EYS: variants seen among roughly 807,000 people sequenced by gnomAD.
EYS encodes the protein EGF-like photoreceptor maintenance factor.
EYS carries 250 observed loss-of-function variants against 282.1 expected under a neutral mutation model. The ratio of observed to expected loss-of-function variants is 0.89; its 90% CI spans 0.80 to 0.98. EYS has a LOEUF of 0.98. EYS is among the 50% of genes least tolerant of loss of function. The pLI, the probability that EYS is intolerant of heterozygous loss-of-function variation, is 0.00. For missense variants in EYS, 4,016 were observed against 3,709.0 expected, an observed-to-expected ratio of 1.08 and a Z score of -2.15; for synonymous variants, 1,355 against 1,282.9, an observed-to-expected ratio of 1.06 and a Z score of -1.20.
intron 8 of EYS, among the ~76,000 whole-genome samples, chr6:65,357,597 G>C (rs551005419): frequency 1.3e-5 from 2 of 151,846 alleles, no homozygotes; most frequent in Non-Finnish European, 2.9e-5. Context: ...ATATTCCTAA[G>C]GAACAATTGT....
intron 29 of EYS, among the ~76,000 whole-genome samples, chr6:64,340,150 C>T (rs990400645): frequency 2.0e-5 from 3 of 150,900 alleles, no homozygotes; most frequent in African/African-American, 4.9e-5. Flanking sequence ...TGAAAGAGCC[C>T]TATCCTCTGA....
chr6:63,984,374 A>C lies in EYS; in HGVS notation c.7055+9T>G, dbSNP rs1355303331. The C allele has an allele frequency of 6.5e-7, 1 of 1,536,150 alleles. No homozygotes were observed. Among genetic ancestry groups the C allele is most frequent in the South Asian group, 1.2e-5 (1 of 83,710 alleles). On this transcript the variant is annotated intron_variant, in intron 35 of 42. Transcript: ENST00000503581. ...AACGTAGGTTGGGAATCAGGAGACT[A>C]ATACTGACCTGATGCAGGTGCCATT... is the stretch of plus-strand genomic sequence containing the variant.
At chr6:65,025,703 G>A (rs1772387564) in intron 13 of EYS, among the ~76,000 whole-genome samples, 2 of 152,092 alleles carry the variant, frequency 1.3e-5, no homozygotes, top group South Asian at 4.2e-4. Context: ...AACAGAGTGA[G>A]ACATCATCTC....
rs574982519 is a variant in EYS, at chr6:64,583,654, G to T, written c.5644+6569C>A. ...CTACTAAAAATACAAAATTAGCCAGGCGTGGTGACAGATGCCTGTTATCCC... is the reference window on the plus strand; with the variant it reads ...CTACTAAAAATACAAAATTAGCCAGTCGTGGTGACAGATGCCTGTTATCCC... On this transcript the variant is annotated intron_variant, in intron 26 of 42. Transcript: ENST00000503581. 6.6e-5 allele frequency among the ~76,000 whole-genome samples: 10 copies of T among 152,148 alleles called. No homozygotes were observed. In the South Asian group the frequency reaches 1.9e-3, roughly 28 times the overall value.
chr6:64,501,028 G>GTT (rs35021721), intron 26 of EYS, among the ~76,000 whole-genome samples: 14 of 129,808 alleles, frequency 1.1e-4, no homozygotes, highest in East Asian at 2.3e-4. Flanking sequence ...TTTTGGGAGA[G>GTT]TTTTTTTTTT....
chr6:64,335,564 G>A (rs1049107006), intron 29 of EYS, among the ~76,000 whole-genome samples: 2 of 152,052 alleles, frequency 1.3e-5, no homozygotes, highest in Non-Finnish European at 2.9e-5. Flanking sequence ...CCCTTTGTTT[G>A]GGGCTCAGAC....
At chr6:65,269,619 T>A (rs994920551) in intron 12 of EYS, among the ~76,000 whole-genome samples, 2 of 152,122 alleles carry the variant, frequency 1.3e-5, no homozygotes, top group Non-Finnish European at 2.9e-5. Context: ...AAGTACCATA[T>A]ACTAGGTGGC....
intron 29 of EYS, among the ~76,000 whole-genome samples, chr6:64,326,586 T>C (rs987641638): frequency 4.6e-5 from 7 of 152,142 alleles, no homozygotes; most frequent in African/African-American, 1.7e-4. Context: ...CCTTTTTTGG[T>C]CTCTCCAGTC....
chr6:65,487,713 C>A (rs879033033), intron 5 of EYS, among the ~76,000 whole-genome samples: 1 of 152,114 alleles, frequency 6.6e-6, no homozygotes, highest in East Asian at 1.9e-4. Flanking sequence ...AGGATTCTCT[C>A]TTTTTCTATT....
At chr6:64,138,301 T>C (rs1014015158) in intron 31 of EYS, among the ~76,000 whole-genome samples, 4 of 152,172 alleles carry the variant, frequency 2.6e-5, no homozygotes, top group Admixed American at 2.0e-4. Context: ...GGTATACCTA[T>C]TTTATGAAGA....
chr6:64,115,320 T>C (rs1329373826), intron 31 of EYS, among the ~76,000 whole-genome samples: 1 of 152,128 alleles, frequency 6.6e-6, no homozygotes, highest in Admixed American at 6.5e-5. Context: ...TCATTGTGTG[T>C]CACTTGTGCT....
In EYS at chr6:64,699,271, G is replaced by T. The variant is rs1770699485; in HGVS notation, c.3444-73026C>A. Reference sequence around the variant, plus strand: ...TCTTTCTTACAAGTGGGAATTAAATGATGATAACTTATGAACACAAAGAAG... The same window carrying T: ...TCTTTCTTACAAGTGGGAATTAAATTATGATAACTTATGAACACAAAGAAG... On this transcript the variant is annotated intron_variant, in intron 22 of 42. Coordinates refer to ENST00000503581, the MANE Select transcript of EYS (RefSeq NM_001142800.2). Among the ~76,000 whole-genome samples the T allele has an allele frequency of 2.0e-5, 3 of 152,020 alleles. No homozygotes were observed. In the South Asian group the frequency reaches 6.2e-4, roughly 32 times the overall value.
intron 13 of EYS, among the ~76,000 whole-genome samples, chr6:65,013,822 G>C (rs1278173114): frequency 6.6e-6 from 1 of 152,126 alleles, no homozygotes; most frequent in Non-Finnish European, 1.5e-5. Flanking sequence ...CTGTGATTGA[G>C]CCACTGCATT....
At chr6:63,921,821 A>G (rs1764581282) in intron 35 of EYS, among the ~76,000 whole-genome samples, 1 of 152,256 alleles carries the variant, frequency 6.6e-6, no homozygotes. Flanking sequence ...GTCCATTCAA[A>G]CATCAACATT....
chr6:65,643,565 A>G (rs566610795), intron 1 of EYS, among the ~76,000 whole-genome samples: 2 of 152,296 alleles, frequency 1.3e-5, no homozygotes, highest in East Asian at 3.9e-4. Context: ...CATCCTCCCT[A>G]TAGTACCACA....
chr6:64,325,301 C>T (rs1434456701), intron 29 of EYS, among the ~76,000 whole-genome samples: 1 of 152,070 alleles, frequency 6.6e-6, no homozygotes, highest in African/African-American at 2.4e-5. Flanking sequence ...GTAGCTAGAT[C>T]CAGAAGAGAG....
At chr6:65,567,005 T>G (rs1207998755) in intron 2 of EYS, among the ~76,000 whole-genome samples, 1 of 152,032 alleles carries the variant, frequency 6.6e-6, no homozygotes, top group Non-Finnish European at 1.5e-5. Flanking sequence ...AGTTCAAGTG[T>G]TGGTAGATGG....
At chr6:64,239,075 C>T (rs561371886) in intron 30 of EYS, among the ~76,000 whole-genome samples, 2 of 152,298 alleles carry the variant, frequency 1.3e-5, no homozygotes, top group South Asian at 2.1e-4. Context: ...CTGCAAAGGA[C>T]GTGAACTCAT....
In EYS at chr6:63,931,422, C is replaced by T. The variant is rs555907793; in HGVS notation, c.7055+52961G>A. ...TTCTGACTCTTCTATTTTGAATAAC[C>T]TCTTCCATCTTTTGTTCTTTTTGTA... On this transcript the variant is annotated intron_variant, in intron 35 of 42. Transcript: ENST00000503581. Among the ~76,000 whole-genome samples, 29 of 152,232 alleles carry T rather than the reference C, an allele frequency of 1.9e-4. No homozygotes were observed. In the South Asian group the frequency reaches 2.5e-3, roughly 13 times the overall value.
Sources: allele counts gnomAD v4.1 joint callset (sites outside exome capture counted in the v4.1 genomes callset), GRCh38; gene constraint gnomAD v4.1.1; transcripts MANE v1.5; gene names NCBI Gene and HGNC (gene_info 2026-07-23, HGNC 2026-07-21).